SLC41A3: variants seen among roughly 807,000 people sequenced by gnomAD.
SLC41A3 encodes the protein SLC41A1-like 2.
A neutral mutation model predicts 45.4 loss-of-function variants in SLC41A3; 44 were observed. The ratio of observed to expected loss-of-function variants is 0.97; its 90% CI spans 0.76 to 1.25. The LOEUF is 1.25. Among genes scored for constraint, SLC41A3 ranks in the 50% most tolerant of loss-of-function variants. The pLI, the probability that SLC41A3 is intolerant of heterozygous loss-of-function variation, is 0.00. For synonymous variants in SLC41A3, 256 were observed against 252.4 expected (o/e 1.01, Z -0.13); for missense variants, 550 against 600.6 (o/e 0.92, Z 0.88).
chr3:126,079,310 G>C (rs1243082928), intron 1 of SLC41A3, among the ~76,000 whole-genome samples: 1 of 148,262 alleles, frequency 6.7e-6, no homozygotes, highest in Non-Finnish European at 1.5e-5. Flanking sequence ...ACACACAATA[G>C]AAAGCAAAAA....
At chr3:126,075,595 AAACTT>A (rs1944844959) in intron 1 of SLC41A3, among the ~76,000 whole-genome samples, 1 of 152,240 alleles carries the variant, frequency 6.6e-6, no homozygotes, top group African/African-American at 2.4e-5. Flanking sequence ...CCTAATTTCA[AAACTT>A]ATTGTAAAAC....
intron 2 of SLC41A3, among the ~76,000 whole-genome samples, chr3:126,052,730 C>A (rs1943412459): frequency 6.6e-6 from 1 of 152,218 alleles, no homozygotes; most frequent in Non-Finnish European, 1.5e-5. Context: ...CCTCCACCCC[C>A]AGTCCTTTGC....
At chr3:126,099,483 G>A (rs1382259832) in intron 1 of SLC41A3, among the ~76,000 whole-genome samples, 1 of 152,130 alleles carries the variant, frequency 6.6e-6, no homozygotes, top group Non-Finnish European at 1.5e-5. Context: ...TGGCCAAGGC[G>A]GGTGGATCAC....
At chr3:126,043,823 AAAAAAC>A (rs570150036) in intron 3 of SLC41A3, among the ~76,000 whole-genome samples, 2,467 of 27,600 alleles carry the variant, frequency 0.089, 58 homozygotes, top group East Asian at 0.46. Flanking sequence ...CAAAAAAACA[AAAAAAC>A]AAAAAAAAAA....
chr3:126,058,841 G>A (rs1943835278), intron 2 of SLC41A3, among the ~76,000 whole-genome samples: 1 of 152,026 alleles, frequency 6.6e-6, no homozygotes, highest in Admixed American at 6.5e-5. Context: ...ACCCTCACGG[G>A]GGCCATGCCC....
chr3:126,049,695 T>C (rs967306607), intron 3 of SLC41A3, among the ~76,000 whole-genome samples: 1 of 152,222 alleles, frequency 6.6e-6, no homozygotes, highest in Non-Finnish European at 1.5e-5. Flanking sequence ...AGGCTCCACA[T>C]GATCTGGCCC....
chr3:126,041,719 AC>A (rs1451066686), intron 3 of SLC41A3, among the ~76,000 whole-genome samples: 1 of 152,224 alleles, frequency 6.6e-6, no homozygotes, highest in East Asian at 1.9e-4. Flanking sequence ...CTCAATCAAA[AC>A]AAAAATAAAT....
In SLC41A3 at chr3:126,065,756, A is replaced by G. The variant is rs569504963; in HGVS notation, c.273+2191T>C. On this transcript the variant is annotated intron_variant, in intron 2 of 10. Coordinates refer to ENST00000360370, the MANE Select transcript of SLC41A3 (RefSeq NM_017836.4). ...AAAAAGCCACCAAAAGCAAAGTCAA[A>G]AGATAAATGGAAAAAAAAGGAAACA... 2.0e-5 allele frequency among the ~76,000 whole-genome samples: 3 copies of G among 152,382 alleles called. No individual in the cohort carries two copies. In the South Asian group the frequency reaches 6.2e-4, roughly 32 times the overall value.
chr3:126,098,474 C>T (rs963732592), intron 1 of SLC41A3, among the ~76,000 whole-genome samples: 1 of 152,232 alleles, frequency 6.6e-6, no homozygotes, highest in African/African-American at 2.4e-5. Flanking sequence ...GCTGCTATAA[C>T]AGTATGGCGC....
chr3:126,082,401 GC>G (rs1256338772), intron 1 of SLC41A3, among the ~76,000 whole-genome samples: 1 of 152,202 alleles, frequency 6.6e-6, no homozygotes, highest in East Asian at 1.9e-4. Context: ...ATACAGGACA[GC>G]CCCCCAAAAC....
Position 126,048,106 on chromosome 3 carries a change from G to A in SLC41A3, c.381+2837C>T, listed in dbSNP as rs547407422. ...GTTTTCCAAAGAAGACATACAAACG[G>A]CCAATAAGCACATGAAAAGATGCTC... is the stretch of plus-strand genomic sequence containing the variant. On this transcript the variant is annotated intron_variant, in intron 3 of 10. Transcript: ENST00000360370. Among the ~76,000 whole-genome samples, 3 of 152,142 alleles carry A rather than the reference G, an allele frequency of 2.0e-5. No individual in the cohort carries two copies. In the East Asian group the frequency reaches 5.8e-4, roughly 29 times the overall value.
At chr3:126,038,570 C>T (rs1942369765) in intron 3 of SLC41A3, among the ~76,000 whole-genome samples, 2 of 152,216 alleles carry the variant, frequency 1.3e-5, no homozygotes, top group South Asian at 4.1e-4. Flanking sequence ...TTTCTTTCAA[C>T]TGATTTCTGC....
At position 126,068,075 on chromosome 3, in the gene SLC41A3, T is replaced by C. The variant is rs754176672; in HGVS notation, c.145A>G (p.Thr49Ala). The change falls in exon 2 of 11, where the codon ACC (threonine) becomes GCC (alanine). Residue 49 changes from threonine (T) to alanine (A), a missense_variant. Transcript: ENST00000360370. ...ALRAPESQSV[T>A]PKPLETEPSR... ...GGCTCAGTCTCCAGTGGCTTGGGGG[T>C]CACGCTTTGGCTCTCAGGGGCCCTG... 6.2e-7 allele frequency: 1 copy of C among 1,613,392 alleles called. No homozygotes were observed. Among genetic ancestry groups the C allele is most frequent in the South Asian group, 1.1e-5 (1 of 91,032 alleles).
At chr3:126,017,775 G>A (rs72979440) in intron 6 of SLC41A3, among the ~76,000 whole-genome samples, 264 of 152,264 alleles carry the variant, frequency 1.7e-3, no homozygotes, top group African/African-American at 6.2e-3. Flanking sequence ...AGGAACATCC[G>A]CTCCTTCCTT....
chr3:126,016,900 C>A (rs778102468), intron 6 of SLC41A3, 25 bp from the exon 7 acceptor site: 12 of 1,606,084 alleles, frequency 7.5e-6, no homozygotes, highest in Non-Finnish European at 1.0e-5. Context: ...GGGACACACG[C>A]AGCTCATGTG....
intron 3 of SLC41A3, among the ~76,000 whole-genome samples, chr3:126,043,046 G>A (rs1457693514): frequency 6.7e-6 from 1 of 149,636 alleles, no homozygotes; most frequent in Non-Finnish European, 1.5e-5. Context: ...AGAAATGTAA[G>A]GTATATGAAT....
intron 1 of SLC41A3, among the ~76,000 whole-genome samples, chr3:126,068,918 C>G (rs1202513468): frequency 1.3e-5 from 2 of 152,048 alleles, no homozygotes; most frequent in African/African-American, 4.8e-5. Flanking sequence ...AACCTTTTGC[C>G]CTGGGAGAAG....
intron 3 of SLC41A3, among the ~76,000 whole-genome samples, chr3:126,038,075 T>C (rs4560250): frequency 0.35 from 52,966 of 152,192 alleles, 10,337 homozygotes; most frequent in African/African-American, 0.54. Context: ...AGTCTGTCAG[T>C]GCATGGAATG....
chr3:126,099,441 G>A lies in SLC41A3; in HGVS notation c.-79+1988C>T, dbSNP rs1167604210. Among the ~76,000 whole-genome samples, 3 of 152,276 alleles carry A rather than the reference G, an allele frequency of 2.0e-5. No individual in the cohort carries two copies. In the East Asian group the frequency reaches 5.8e-4, roughly 29 times the overall value. The stretch of plus-strand genomic sequence containing the variant: ...AGAGGGTAGAATGAGGCCAGGTGTG[G>A]TGACTCACGCCCATAATCCCAGCAC... On this transcript the variant is annotated intron_variant, in intron 1 of 9. Transcript: ENST00000508835.
Sources: gnomAD v4.1 joint callset for allele counts (sites outside exome capture counted in the v4.1 genomes callset) on GRCh38, gnomAD v4.1.1 for gene constraint, MANE v1.5 for transcripts, NCBI Gene and HGNC (gene_info 2026-07-23, HGNC 2026-07-21) for gene names.